OXCT1: variants seen among roughly 807,000 people sequenced by gnomAD.
OXCT1 encodes 3-oxoacid CoA-transferase 1.
Under a neutral mutation model 69.6 loss-of-function variants are expected in OXCT1, and 27 were observed. The ratio of observed to expected loss-of-function variants is 0.39; its 90% CI spans 0.29 to 0.54. The LOEUF is 0.54. OXCT1 is among the 20% of genes least tolerant of loss of function. The pLI, the probability that OXCT1 is intolerant of heterozygous loss-of-function variation, is 0.72. For synonymous variants in OXCT1, 202 were observed against 217.8 expected, an observed-to-expected ratio of 0.93 and a Z score of 0.64; for missense variants, 437 against 650.2, an observed-to-expected ratio of 0.67 and a Z score of 3.57.
At chr5:41,835,641 T>G (rs1748322693) in intron 7 of OXCT1, among the ~76,000 whole-genome samples, 1 of 152,198 alleles carries the variant, frequency 6.6e-6, no homozygotes, top group Admixed American at 6.5e-5. Context: ...GTAATTATAT[T>G]TATGTCATGA....
At chr5:41,752,686 G>C (rs960071113) in intron 14 of OXCT1, among the ~76,000 whole-genome samples, 1 of 152,070 alleles carries the variant, frequency 6.6e-6, no homozygotes, top group African/African-American at 2.4e-5. Flanking sequence ...CCAGGAGGTT[G>C]TAGTAAGCTA....
chr5:41,792,445 T>TGA (rs906072585), intron 13 of OXCT1, among the ~76,000 whole-genome samples: 2 of 152,146 alleles, frequency 1.3e-5, no homozygotes, highest in African/African-American at 4.8e-5. Flanking sequence ...ATAAGTGAAA[T>TGA]GTTCAACATC....
intron 7 of OXCT1, among the ~76,000 whole-genome samples, chr5:41,827,070 C>G (rs1747841426): frequency 6.6e-6 from 1 of 152,132 alleles, no homozygotes; most frequent in Non-Finnish European, 1.5e-5. Context: ...TCCAAGCCAC[C>G]ATTCAAGCTC....
chr5:41,867,482 A>G (rs971365278), intron 1 of OXCT1, among the ~76,000 whole-genome samples: 5 of 152,242 alleles, frequency 3.3e-5, no homozygotes, highest in Non-Finnish European at 7.3e-5. Flanking sequence ...CAGGGACAGC[A>G]CTGAGGAACA....
In OXCT1 at chr5:41,756,444, T is replaced by C. The variant is rs533184643; in HGVS notation, c.1338+5667A>G. 2.6e-4 allele frequency among the ~76,000 whole-genome samples: 39 copies of C among 152,206 alleles called. 1 individual carries two copies. The Middle Eastern group carries it at 0.014, about 53-fold the overall frequency. On this transcript the variant is annotated intron_variant, in intron 14 of 16. Coordinates refer to ENST00000196371, the MANE Select transcript of OXCT1 (RefSeq NM_000436.4). ...GGGCTTGGTTTTACTTTTTATTTTA[T>C]TGGGTTACTTAACCTCTATGAAATT...
At chr5:41,819,846 C>T (rs1006431601) in intron 7 of OXCT1, among the ~76,000 whole-genome samples, 1 of 152,154 alleles carries the variant, frequency 6.6e-6, no homozygotes, top group African/African-American at 2.4e-5. Context: ...TGGTTACCTT[C>T]TCTCTGGGAA....
intron 14 of OXCT1, among the ~76,000 whole-genome samples, chr5:41,754,697 C>A (rs561358317): frequency 6.6e-6 from 1 of 152,010 alleles, no homozygotes; most frequent in East Asian, 1.9e-4. Context: ...CTTTATACAG[C>A]GCCTACACTA....
rs1466889786 is a variant in OXCT1 at position 41,801,056 on chromosome 5, T to C, written c.1065A>G (p.Arg355=). 2 of 1,611,792 alleles carry C rather than the reference T, an allele frequency of 1.2e-6. No individual in the cohort carries two copies. Among genetic ancestry groups the C allele is most frequent in the Non-Finnish European group, 8.5e-7 (1 of 1,178,138 alleles). Residue 355 remains arginine, a synonymous_variant, in exon 11 of 17, where the codon CGA becomes CGG. Coordinates refer to ENST00000196371, the MANE Select transcript of OXCT1 (RefSeq NM_000436.4). ...NGVLGLGPYP[R]QHEADADLIN... is the part of the protein sequence containing the mutation. ...TGAGATCTGCATCAGCTTCATGTTG[T>C]CGTGGATATGGACCCTGTCAAATAC...
intron 7 of OXCT1, among the ~76,000 whole-genome samples, chr5:41,824,058 G>C (rs1747689001): frequency 6.6e-6 from 1 of 152,172 alleles, no homozygotes; most frequent in African/African-American, 2.4e-5. Flanking sequence ...ACATTGCAAA[G>C]CATAATGTAA....
chr5:41,757,868 G>A (rs1038144510), intron 14 of OXCT1, among the ~76,000 whole-genome samples: 6 of 152,102 alleles, frequency 3.9e-5, no homozygotes. Flanking sequence ...ATAGGCTGCT[G>A]GGGAGCGAAT....
intron 7 of OXCT1, among the ~76,000 whole-genome samples, chr5:41,813,856 G>C (rs1379111371): frequency 6.6e-6 from 1 of 151,970 alleles, no homozygotes; most frequent in Non-Finnish European, 1.5e-5. Flanking sequence ...AAAACATAGT[G>C]CCTGACATAA....
intron 15 of OXCT1, among the ~76,000 whole-genome samples, chr5:41,743,578 G>T (rs181043784): frequency 6.6e-6 from 1 of 152,268 alleles, no homozygotes; most frequent in East Asian, 1.9e-4. Context: ...GAATGGTGTT[G>T]CCTAGGTTTT....
At chr5:41,766,519 G>C (rs899592721) in intron 13 of OXCT1, among the ~76,000 whole-genome samples, 6 of 145,658 alleles carry the variant, frequency 4.1e-5, no homozygotes, top group African/African-American at 1.5e-4. Context: ...TATAAATTCA[G>C]TAACATTAAA....
chr5:41,783,220 T>C (rs999153854), intron 13 of OXCT1, among the ~76,000 whole-genome samples: 3 of 152,332 alleles, frequency 2.0e-5, no homozygotes, highest in Admixed American at 2.0e-4. Flanking sequence ...TCTATTTTTA[T>C]AGAGAGTTAA....
At chr5:41,827,593 T>G (rs772891526) in intron 7 of OXCT1, among the ~76,000 whole-genome samples, 1 of 152,158 alleles carries the variant, frequency 6.6e-6, no homozygotes, top group Non-Finnish European at 1.5e-5. Flanking sequence ...AAAGGGGAGT[T>G]AAATGAATCT....
chr5:41,842,585 C>G (rs562213623), intron 6 of OXCT1, 90 bp downstream of exon 6: 1 of 944,076 alleles, frequency 1.1e-6, no homozygotes, highest in Admixed American at 1.7e-5. Flanking sequence ...TGGGCCATTA[C>G]GAAAATACAT....
chr5:41,763,356 G>GT (rs1744438949), intron 13 of OXCT1, among the ~76,000 whole-genome samples: 1 of 152,088 alleles, frequency 6.6e-6, no homozygotes, highest in African/African-American at 2.4e-5. Flanking sequence ...AGAATGCAGA[G>GT]TACAAAATGA....
intron 2 of OXCT1, among the ~76,000 whole-genome samples, chr5:41,861,752 T>C (rs767578086): frequency 5.3e-5 from 8 of 152,218 alleles, no homozygotes; most frequent in Non-Finnish European, 8.8e-5. Flanking sequence ...AATGTTAATA[T>C]GTCTGAGTAG....
At chr5:41,780,602 AATT>A (rs1745348315) in intron 13 of OXCT1, among the ~76,000 whole-genome samples, 1 of 152,148 alleles carries the variant, frequency 6.6e-6, no homozygotes, top group African/African-American at 2.4e-5. Flanking sequence ...ATTTTTTTAA[AATT>A]ATTATAGCTG....
Sources: gnomAD v4.1 joint callset for allele counts (sites outside exome capture counted in the v4.1 genomes callset) on GRCh38, gnomAD v4.1.1 for gene constraint, MANE v1.5 for transcripts, NCBI Gene and HGNC (gene_info 2026-07-23, HGNC 2026-07-21) for gene names.